The following STK10 variants were observed in gnomAD, a reference collection of about 807,000 sequenced individuals.
STK10 encodes serine/threonine-protein kinase 10.
A neutral mutation model predicts 113.8 loss-of-function variants in STK10; 78 were observed. The observed-to-expected ratio is 0.69, with a 90% CI of 0.57 to 0.83. The LOEUF (loss-of-function observed/expected upper bound fraction) is 0.83, where lower values mean the gene tolerates loss of function less well. Among genes scored for constraint, STK10 ranks in the 40% least tolerant of loss-of-function variants. The pLI is 0.00. For synonymous variants in STK10, 465 were observed against 494.7 expected, an observed-to-expected ratio of 0.94 and a Z score of 0.80; for missense variants, 1,109 against 1,280.1, an observed-to-expected ratio of 0.87 and a Z score of 2.04.
At chr5:172,059,175 CT>C (rs1767875904) in intron 14 of STK10, among the ~76,000 whole-genome samples, 4 of 152,006 alleles carry the variant, frequency 2.6e-5, no homozygotes, top group Admixed American at 2.6e-4. Flanking sequence ...AATCCCAGCA[CT>C]TTGGGAGGCC....
chr5:172,107,269 A>T (rs1769135968), intron 5 of STK10, among the ~76,000 whole-genome samples: 1 of 152,216 alleles, frequency 6.6e-6, no homozygotes, highest in Non-Finnish European at 1.5e-5. Context: ...CACATGAAAA[A>T]ATTGGAAACA....
chr5:172,140,752 A>G (rs1237247266), intron 2 of STK10, among the ~76,000 whole-genome samples: 1 of 152,144 alleles, frequency 6.6e-6, no homozygotes, highest in African/African-American at 2.4e-5. Context: ...TGATCCAGCA[A>G]TCCCACTTCT....
intron 1 of STK10, among the ~76,000 whole-genome samples, chr5:172,175,820 G>A (rs966548984): frequency 3.3e-5 from 5 of 152,132 alleles, no homozygotes; most frequent in Admixed American, 1.3e-4. Flanking sequence ...GCAAGTCCCA[G>A]CCCTGCCAAA....
chr5:172,164,866 G>A (rs891621166), intron 1 of STK10, among the ~76,000 whole-genome samples: 4 of 152,242 alleles, frequency 2.6e-5, no homozygotes, highest in African/African-American at 7.2e-5. Context: ...GGGTTCCGGC[G>A]CACGATGAGG....
intron 10 of STK10, among the ~76,000 whole-genome samples, chr5:172,084,173 G>C (rs533428657): frequency 3.9e-4 from 60 of 151,924 alleles, no homozygotes; most frequent in African/African-American, 1.4e-3. Context: ...AGGCCGAGGA[G>C]GGTGGATCAC....
intron 1 of STK10, among the ~76,000 whole-genome samples, chr5:172,176,461 C>T (rs1219595099): frequency 4.6e-5 from 7 of 152,192 alleles, no homozygotes; most frequent in Admixed American, 4.6e-4. Context: ...CCTTCCCTCC[C>T]ACACCCACCT....
At chr5:172,055,899 C>G (rs773840040) in intron 15 of STK10, 123 bp from the exon 16 acceptor site, 40 of 709,814 alleles carry the variant, frequency 5.6e-5, no homozygotes, top group Non-Finnish European at 3.6e-5. Context: ...CAATGTTCAG[C>G]AGATCAAGGC....
Position 172,145,531 on chromosome 5 carries a change from G to A in STK10, c.321+11093C>T, listed in dbSNP as rs373628409. Reference sequence around the variant, plus strand: ...GCCTGCTCAGAAAGCCAGGGAAGAAGCACTTCCCTAAGGGCAACCCCCAGC... The same window carrying A: ...GCCTGCTCAGAAAGCCAGGGAAGAAACACTTCCCTAAGGGCAACCCCCAGC... On this transcript the variant is annotated intron_variant, in intron 2 of 18. Coordinates refer to ENST00000176763, the MANE Select transcript of STK10 (RefSeq NM_005990.4). Among the ~76,000 whole-genome samples the A allele has an allele frequency of 4.6e-5, 7 of 152,322 alleles. No homozygotes were observed. In the East Asian group the frequency reaches 7.7e-4, roughly 17 times the overall value.
intron 3 of STK10, among the ~76,000 whole-genome samples, chr5:172,121,050 A>G (rs1769500726): frequency 2.1e-5 from 3 of 141,678 alleles, no homozygotes; most frequent in African/African-American, 8.1e-5. Flanking sequence ...TTTTTTTGAG[A>G]TGGAGTCTTG....
Position 172,043,382 on chromosome 5 carries a change from G to T in STK10, c.*1500C>A, listed in dbSNP as rs924459699. 2 of 152,114 alleles carry T rather than the reference G, an allele frequency of 1.3e-5. No homozygotes were observed. Among genetic ancestry groups the T allele is most frequent in the Non-Finnish European group, 2.9e-5 (2 of 68,018 alleles). The allele number at this position is 152,114 out of a possible 1,614,324, so 9.4% of individuals were successfully genotyped here. On this transcript the variant is annotated 3_prime_UTR_variant, in exon 19 of 19. Transcript: ENST00000176763. Reference sequence around the variant, plus strand: ...TAAAGAATCTTAAATCTGTAGGAGTGAAGGCGGAAAAAGTCCTCCCAGGAA... The same window carrying T: ...TAAAGAATCTTAAATCTGTAGGAGTTAAGGCGGAAAAAGTCCTCCCAGGAA...
At chr5:172,069,971 G>A (rs1768140741) in intron 12 of STK10, among the ~76,000 whole-genome samples, 1 of 152,172 alleles carries the variant, frequency 6.6e-6, no homozygotes, top group Non-Finnish European at 1.5e-5. Flanking sequence ...ATATGGGCCG[G>A]GCGTGGTGGC....
chr5:172,169,533 G>A (rs952201277), intron 1 of STK10, among the ~76,000 whole-genome samples: 1 of 152,152 alleles, frequency 6.6e-6, no homozygotes, highest in African/African-American at 2.4e-5. Context: ...GCAGATGAAT[G>A]GAAGGATGGA....
intron 1 of STK10, among the ~76,000 whole-genome samples, chr5:172,166,663 C>T (rs1273327674): frequency 6.6e-6 from 1 of 152,196 alleles, no homozygotes; most frequent in African/African-American, 2.4e-5. Context: ...TCATTTTACA[C>T]TTAATAAATT....
intron 13 of STK10, among the ~76,000 whole-genome samples, chr5:172,062,819 G>A (rs1767964322): frequency 6.6e-6 from 1 of 152,212 alleles, no homozygotes; most frequent in Non-Finnish European, 1.5e-5. Flanking sequence ...GATAGATGGC[G>A]GAGATGGCCG....
chr5:172,112,718 C>T (rs1254421040), intron 4 of STK10, among the ~76,000 whole-genome samples: 2 of 151,518 alleles, frequency 1.3e-5, no homozygotes, highest in Non-Finnish European at 2.9e-5. Context: ...TGCACCCGGC[C>T]AGGACCCTAC....
In STK10 at chr5:172,064,813, C is replaced by G; in HGVS notation, c.1990-1G>C. The G allele has an allele frequency of 1.2e-6, 2 of 1,614,110 alleles. No homozygotes were observed. Among genetic ancestry groups the G allele is most frequent in the Non-Finnish European group, 1.7e-6 (2 of 1,180,036 alleles). On this transcript the variant is annotated splice_acceptor_variant, in intron 12 of 18. Transcript: ENST00000176763. LOFTEE classifies it high-confidence loss of function. ...GGAGCTTCTCCACCTCGTTCTTCAC[C>G]TGCAGCAGAGACAGCAGAGAGTAGC...
rs1768450896 is a variant in STK10 at position 172,082,308 on chromosome 5, C to T, written c.1989+18G>A. Reference sequence around the variant, plus strand: ...TAATACTCCGAGATGCCCCTGCCCCCACTGAGCACATACTCACCTCTTTCT... The same window carrying T: ...TAATACTCCGAGATGCCCCTGCCCCTACTGAGCACATACTCACCTCTTTCT... On this transcript the variant is annotated intron_variant, in intron 12 of 18. Transcript: ENST00000176763. This position sits in a 1 kb window ranked among gnomAD's most constrained non-coding sequence, Gnocchi z 4.3. The T allele has an allele frequency of 4.0e-6, 6 of 1,510,128 alleles. No homozygotes were observed. Among genetic ancestry groups the T allele is most frequent in the Non-Finnish European group, 5.3e-6 (6 of 1,129,278 alleles). 93.5% of individuals were successfully genotyped at this position (1,510,128 alleles called of 1,614,324 possible). A position where few individuals can be genotyped will look rare whatever the true frequency, so the allele number is the denominator to read the frequency against.
chr5:172,090,089 A>T, intron 10 of STK10, 143 bp downstream of exon 10: 1 of 1,203,398 alleles, frequency 8.3e-7, no homozygotes. Context: ...GCAGGATCGC[A>T]GGCAAAATGA....
Position 172,082,553 on chromosome 5 carries a change from C to G in STK10, c.1810-48G>C. On this transcript the variant is annotated intron_variant, in intron 11 of 18. Transcript: ENST00000176763. The surrounding 1 kb of genome is among the most constrained non-coding windows in gnomAD (Gnocchi z 4.3). ...GAAACTTAGCGAAGTCACTTTATAC[C>G]TGGGAGGGACATGGGAAGTGGAATG... 2.6e-6 allele frequency: 4 copies of G among 1,527,840 alleles called. No individual in the cohort carries two copies. Among genetic ancestry groups the G allele is most frequent in the Non-Finnish European group, 3.5e-6 (4 of 1,138,540 alleles). 94.6% of individuals were successfully genotyped at this position (1,527,840 alleles called of 1,614,324 possible).
Sources: gnomAD v4.1 joint callset for allele counts (sites outside exome capture counted in the v4.1 genomes callset) on GRCh38, gnomAD v4.1.1 for gene constraint, Gnocchi (gnomAD v3.1) non-coding constraint, MANE v1.5 for transcripts, NCBI Gene and HGNC (gene_info 2026-07-23, HGNC 2026-07-21) for gene names.